The following SMCHD1 variants were observed in gnomAD, a reference collection of about 807,000 sequenced individuals.
SMCHD1 encodes structural maintenance of chromosomes flexible hinge domain-containing protein 1.
SMCHD1 carries 78 observed loss-of-function variants against 254.7 expected under a neutral mutation model. That is an observed-to-expected ratio of 0.31 (90% CI 0.26 to 0.37). The LOEUF (loss-of-function observed/expected upper bound fraction) is 0.37, where lower values mean the gene tolerates loss of function less well. Among genes scored for constraint, SMCHD1 ranks in the 10% least tolerant of loss-of-function variants. SMCHD1 has a pLI of 1.00. For synonymous variants in SMCHD1, 766 were observed against 794.9 expected (o/e 0.96, Z 0.61); for missense variants, 1,840 against 2,408.1 (o/e 0.76, Z 4.94).
At chr18:2,699,972 C>A (rs2143175542) in intron 10 of SMCHD1, among the ~76,000 whole-genome samples, 1 of 152,282 alleles carries the variant, frequency 6.6e-6, no homozygotes, top group Non-Finnish European at 1.5e-5. Context: ...AGATTATAGA[C>A]AATTGTGCAA....
At chr18:2,676,535 G>T (rs1375254167) in intron 5 of SMCHD1, among the ~76,000 whole-genome samples, 2 of 152,182 alleles carry the variant, frequency 1.3e-5, no homozygotes, top group African/African-American at 4.8e-5. Context: ...GGACAGAAAG[G>T]AGACTATTGT....
chr18:2,680,555 A>C (rs1243775246), intron 5 of SMCHD1, among the ~76,000 whole-genome samples: 3 of 152,168 alleles, frequency 2.0e-5, no homozygotes, highest in Non-Finnish European at 4.4e-5. Flanking sequence ...ACTCTGCCTT[A>C]CTTTAACTTC....
At chr18:2,769,051 GCTA>G (rs1310109073) in intron 37 of SMCHD1, among the ~76,000 whole-genome samples, 1 of 152,060 alleles carries the variant, frequency 6.6e-6, no homozygotes, top group African/African-American at 2.4e-5. Context: ...AACAAAAACA[GCTA>G]CTATCGTTTC....
chr18:2,695,615 T>C (rs1424658830), intron 8 of SMCHD1, among the ~76,000 whole-genome samples: 2 of 150,714 alleles, frequency 1.3e-5, no homozygotes, highest in Non-Finnish European at 3.0e-5. Flanking sequence ...CGGCCTAAAA[T>C]TTTTTTTTTA....
chr18:2,778,892 C>T (rs1301384119), intron 44 of SMCHD1: 2 of 152,210 alleles, frequency 1.3e-5, no homozygotes, highest in Non-Finnish European at 2.9e-5. Context: ...CAAATAATGT[C>T]ACATTCTGAG....
chr18:2,701,416 C>T (rs777178662), intron 12 of SMCHD1, among the ~76,000 whole-genome samples: 3 of 152,160 alleles, frequency 2.0e-5, no homozygotes, highest in Non-Finnish European at 4.4e-5. Flanking sequence ...TTGCCTTGGT[C>T]TCCCAAAATG....
chr18:2,726,597 A>T, intron 22 of SMCHD1, 73 bp downstream of exon 22: 1 of 733,452 alleles, frequency 1.4e-6, no homozygotes, highest in Admixed American at 3.4e-5. Context: ...ATGAAGTTAG[A>T]GGTTTTTGGG....
In SMCHD1 at chr18:2,775,890, T is replaced by G; in HGVS notation, c.5332T>G (p.Ser1778Ala). ...QGRQQVLPLDSIYKKTLPDWK... is the reference protein window; with the variant it reads ...QGRQQVLPLDAIYKKTLPDWK... ...TCGTCAGCAGGTGTTGCCCCTTGAT[T>G]CTATTTACAAGAAGACTCTTCCAGA... Residue 1778 changes from serine to alanine, a missense_variant, in exon 42 of 48, where the codon TCT becomes GCT. By Grantham distance (99) the Ser-to-Ala change is moderately conservative. Transcript: ENST00000320876. The G allele has an allele frequency of 1.9e-6, 3 of 1,604,946 alleles. No homozygotes were observed. The highest frequency in any genetic ancestry group is 2.5e-6 in the Non-Finnish European group (3 of 1,176,856).
Position 2,740,762 on chromosome 18 carries a change from T to C in SMCHD1, c.3574T>C (p.Ser1192Pro), listed in dbSNP as rs912606817. 6.2e-7 allele frequency: 1 copy of C among 1,612,090 alleles called. No homozygotes were observed. The highest frequency in any genetic ancestry group is 8.5e-7 in the Non-Finnish European group (1 of 1,178,840). The change falls in exon 28 of 48, where the codon TCT becomes CCT. Residue 1192 changes from serine (S) to proline (P), a missense_variant. By Grantham distance (74) the Ser-to-Pro change is moderately conservative. Transcript: ENST00000320876. ...QIQAFSPSSL[S>P]SLSIAGVGLD... is the part of the protein sequence containing the mutation. ...TCAAGCATTTTCACCAAGTTCTTTA[T>C]CTTCTTTGTCAATTGCTGGGGTTGG...
In SMCHD1 at chr18:2,752,501, G is replaced by C. The variant is rs1426566148; in HGVS notation, c.4295G>C (p.Ser1432Thr). ...TCCCCTTTCTAGGCAGAAACATTTAGTTGTAATAAAATAAAAGATAATGAC... is the reference window on the plus strand; with the variant it reads ...TCCCCTTTCTAGGCAGAAACATTTACTTGTAATAAAATAAAAGATAATGAC... Reference protein sequence around the residue: ...NRPPANAETFSCNKIKDNDKE... With the variant: ...NRPPANAETFTCNKIKDNDKE... The change falls in exon 34 of 48, where the codon AGT becomes ACT. Residue 1432 changes from serine (S) to threonine (T), a missense_variant. Ser to Thr is a moderately conservative substitution (Grantham distance 58). This residue lies in a region of SMCHD1 where 881 missense variants were observed against 1,009.5 expected (regional missense o/e 0.87). Transcript: ENST00000320876. 1.9e-6 allele frequency: 3 copies of C among 1,601,348 alleles called. No homozygotes were observed. In the African/African-American group the frequency reaches 4.0e-5, roughly 21 times the overall value.
chr18:2,700,636 A>G lies in SMCHD1; in HGVS notation c.1440A>G (p.Leu480=). ...PIFECFWNGR[L]IPYTSVEDFD... is the part of the protein sequence containing the mutation. ...TTGAATGTTTTTGGAATGGACGATT[A>G]ATACCATATACATCAGTTGAAGAGT... Residue 480 remains leucine, a synonymous_variant, in exon 11 of 48, where the codon TTA becomes TTG. Coordinates refer to ENST00000320876, the MANE Select transcript of SMCHD1 (RefSeq NM_015295.3). 1 of 1,610,390 alleles carries G rather than the reference A, an allele frequency of 6.2e-7. No individual in the cohort carries two copies. Among genetic ancestry groups the G allele is most frequent in the Non-Finnish European group, 8.5e-7 (1 of 1,178,154 alleles).
At chr18:2,732,099 G>T (rs568144925) in intron 24 of SMCHD1, among the ~76,000 whole-genome samples, 166 bp from the exon 25 acceptor site, 3 of 152,170 alleles carry the variant, frequency 2.0e-5, no homozygotes, top group South Asian at 4.2e-4. Flanking sequence ...ATAACCTGAT[G>T]GTATAAAATA....
At chr18:2,674,372 A>G (rs2073692256) in intron 5 of SMCHD1, among the ~76,000 whole-genome samples, 1 of 152,182 alleles carries the variant, frequency 6.6e-6, no homozygotes, top group African/African-American at 2.4e-5. Context: ...TGAGGTATGT[A>G]GGAGTTGATA....
chr18:2,711,651 T>G (rs1293459749), intron 17 of SMCHD1, among the ~76,000 whole-genome samples: 1 of 150,822 alleles, frequency 6.6e-6, no homozygotes, highest in Non-Finnish European at 1.5e-5. Flanking sequence ...CCCGGCTAAT[T>G]TTTTGTATTT....
At chr18:2,689,189 A>G (rs1310496302) in intron 7 of SMCHD1, among the ~76,000 whole-genome samples, 2 of 147,512 alleles carry the variant, frequency 1.4e-5, no homozygotes, top group Admixed American at 6.7e-5. Context: ...TATTCCTTCA[A>G]CTCTTCTTTG....
intron 5 of SMCHD1, among the ~76,000 whole-genome samples, chr18:2,675,533 G>A (rs985884204): frequency 2.6e-5 from 4 of 152,086 alleles, no homozygotes; most frequent in African/African-American, 9.7e-5. Flanking sequence ...ATAGTGCTAG[G>A]ATTACAGGCG....
chr18:2,723,487 C>T (rs568437634), intron 20 of SMCHD1, among the ~76,000 whole-genome samples: 2 of 152,040 alleles, frequency 1.3e-5, no homozygotes, highest in South Asian at 4.1e-4. Context: ...ATCCTGTTGT[C>T]AGTATTTTTA....
At chr18:2,752,654 T>C in intron 34 of SMCHD1, 102 bp downstream of exon 34, 1 of 721,212 alleles carries the variant, frequency 1.4e-6, no homozygotes. Flanking sequence ...TAATTTATGA[T>C]CAAATAGAAA....
intron 1 of SMCHD1, among the ~76,000 whole-genome samples, chr18:2,659,680 T>A (rs1191041220): frequency 3.3e-5 from 5 of 151,908 alleles, no homozygotes; most frequent in Non-Finnish European, 5.9e-5. Context: ...GGCTCCAATG[T>A]TTTTTGTTGT....
Sources: gnomAD v4.1 joint callset for allele counts (sites outside exome capture counted in the v4.1 genomes callset) on GRCh38, gnomAD v4.1.1 for gene constraint, gnomAD v4.1.1 regional missense constraint, MANE v1.5 for transcripts, NCBI Gene and HGNC (gene_info 2026-07-23, HGNC 2026-07-21) for gene names.